The following FRMD4B variants were observed in gnomAD, a reference collection of about 807,000 sequenced individuals.
The protein encoded by FRMD4B is FERM domain-containing protein 4B.
In FRMD4B, 74 loss-of-function variants were observed where a neutral mutation model predicts 141.5. The ratio of observed to expected loss-of-function variants is 0.52; its 90% CI spans 0.43 to 0.63. The LOEUF is 0.63. Among genes scored for constraint, FRMD4B ranks in the 30% least tolerant of loss-of-function variants. The probability of loss-of-function intolerance (pLI) is 0.00; values close to 1 mark genes in which losing one functional copy is unlikely to be tolerated. For synonymous variants in FRMD4B, 506 were observed against 467.9 expected, an observed-to-expected ratio of 1.08 and a Z score of -1.05; for missense variants, 1,366 against 1,253.4, an observed-to-expected ratio of 1.09 and a Z score of -1.36.
upstream of FRMD4B, among the ~76,000 whole-genome samples, chr3:69,386,456 A>C (rs1163670642): frequency 1.3e-5 from 2 of 150,018 alleles, no homozygotes; most frequent in Non-Finnish European, 3.0e-5. Flanking sequence ...ACAGACACAC[A>C]CCCCCCACAC....
At chr3:69,462,370 T>C (rs1705721040) in intron 1 of FRMD4B, among the ~76,000 whole-genome samples, 1 of 152,208 alleles carries the variant, frequency 6.6e-6, no homozygotes, top group Non-Finnish European at 1.5e-5. Context: ...ATGTCTGGCC[T>C]GTCCCATAGC....
intron 1 of FRMD4B, among the ~76,000 whole-genome samples, chr3:69,481,593 G>A (rs900409690): frequency 2.0e-5 from 3 of 152,136 alleles, no homozygotes; most frequent in African/African-American, 7.2e-5. Flanking sequence ...GTACTCAGGG[G>A]CTCAAATGCA....
intron 1 of FRMD4B, among the ~76,000 whole-genome samples, chr3:69,507,313 T>C (rs1243508489): frequency 6.6e-6 from 1 of 152,158 alleles, no homozygotes; most frequent in Non-Finnish European, 1.5e-5. Flanking sequence ...AAACAACTAT[T>C]GATTTCAAGT....
chr3:69,452,372 G>C (rs1705516459), intron 1 of FRMD4B, among the ~76,000 whole-genome samples: 2 of 152,208 alleles, frequency 1.3e-5, no homozygotes, highest in South Asian at 4.1e-4. Flanking sequence ...TTTGGAGCTG[G>C]TCAAAAGCGA....
intron 1 of FRMD4B, among the ~76,000 whole-genome samples, chr3:69,314,133 C>T (rs1381363740): frequency 1.7e-5 from 1 of 57,782 alleles, no homozygotes; most frequent in Non-Finnish European, 2.7e-5. Context: ...AGCGAGACTC[C>T]GTCTCAAAAA....
At chr3:69,238,909 G>A (rs1019281512) in intron 7 of FRMD4B, among the ~76,000 whole-genome samples, 4 of 152,152 alleles carry the variant, frequency 2.6e-5, no homozygotes, top group African/African-American at 9.7e-5. Context: ...CTATTGAGAA[G>A]AATCCTAAAG....
chr3:69,382,823 A>C (rs1704148958), intron 1 of FRMD4B, among the ~76,000 whole-genome samples: 1 of 149,678 alleles, frequency 6.7e-6, no homozygotes, highest in South Asian at 2.1e-4. Flanking sequence ...ATTATCTGCT[A>C]TTGTGAGGGA....
intron 4 of FRMD4B, among the ~76,000 whole-genome samples, chr3:69,292,759 G>A (rs1408427279): frequency 6.7e-6 from 1 of 149,680 alleles, no homozygotes; most frequent in African/African-American, 2.5e-5. Context: ...AAAATCTAGG[G>A]CTTCTTAATG....
chr3:69,193,897 T>C lies in FRMD4B; in HGVS notation c.1489-24A>G, dbSNP rs774775663. 1.0e-4 allele frequency: 142 copies of C among 1,412,360 alleles called. No individual in the cohort carries two copies. The South Asian group carries it at 1.6e-3, about 16-fold the overall frequency. 87.5% of individuals were successfully genotyped at this position (1,412,360 alleles called of 1,614,324 possible). On this transcript the variant is annotated intron_variant, in intron 16 of 22. Transcript: ENST00000398540. Reference sequence around the variant, plus strand: ...TCCTGCATTTATACAATGATAGTTTTATTTTTATGGACACATACAATCAAC... The same window carrying C: ...TCCTGCATTTATACAATGATAGTTTCATTTTTATGGACACATACAATCAAC...
At chr3:69,262,416 A>C (rs2093533280) in intron 5 of FRMD4B, among the ~76,000 whole-genome samples, 1 of 150,452 alleles carries the variant, frequency 6.6e-6, no homozygotes, top group Non-Finnish European at 1.5e-5. Flanking sequence ...TCTTCAAAGC[A>C]GTGCTATTTG....
chr3:69,350,809 C>T (rs190442491), intron 1 of FRMD4B, among the ~76,000 whole-genome samples: 2,115 of 128,028 alleles, frequency 0.017, 10 homozygotes, highest in Admixed American at 0.02. Flanking sequence ...GAACAGCACA[C>T]GCTGGGGCCT....
At chr3:69,312,365 C>T (rs774902646) in intron 2 of FRMD4B, among the ~76,000 whole-genome samples, 1 of 152,156 alleles carries the variant, frequency 6.6e-6, no homozygotes, top group Non-Finnish European at 1.5e-5. Flanking sequence ...AACAGGCAGA[C>T]ATCTAGACTA....
At chr3:69,183,765 A>C (rs2092735448) in intron 19 of FRMD4B, among the ~76,000 whole-genome samples, 1 of 151,490 alleles carries the variant, frequency 6.6e-6, no homozygotes, top group Admixed American at 6.6e-5. Context: ...TACAGGCGTG[A>C]GCCACCGCGC....
chr3:69,264,955 TA>T (rs771128473), intron 5 of FRMD4B, among the ~76,000 whole-genome samples: 85 of 151,996 alleles, frequency 5.6e-4, no homozygotes, highest in Non-Finnish European at 1.0e-3. Context: ...GGGAGGATAA[TA>T]CAAATATACA....
intron 22 of FRMD4B, among the ~76,000 whole-genome samples, chr3:69,175,769 C>CTTTTTTTTTTT (rs141059202): frequency 2.3e-5 from 2 of 88,114 alleles, no homozygotes; most frequent in African/African-American, 7.5e-5. Context: ...CTTTTCTTCT[C>CTTTTTTTTTTT]TTTTTTTTTT....
intron 7 of FRMD4B, among the ~76,000 whole-genome samples, chr3:69,235,192 T>C (rs891429177): frequency 8.3e-5 from 12 of 144,742 alleles, no homozygotes; most frequent in Non-Finnish European, 1.5e-4. Context: ...ATAATAATAA[T>C]AATAATATTT....
intron 1 of FRMD4B, among the ~76,000 whole-genome samples, chr3:69,356,958 C>A (rs988299147): frequency 6.6e-6 from 1 of 152,116 alleles, no homozygotes; most frequent in Non-Finnish European, 1.5e-5. Flanking sequence ...TTAAACAAAA[C>A]TTTATTTGCA....
rs138975992 is a variant in FRMD4B at position 69,470,643 on chromosome 3, G to C, written c.-128-37882C>G. The stretch of plus-strand genomic sequence containing the variant: ...AATGGCCATAGGTAAATTAGTCCTA[G>C]AGTTGCAACAAGTTATCTCTGCAGC... On this transcript the variant is annotated intron_variant, in intron 1 of 5. Transcript: ENST00000459638. Among the ~76,000 whole-genome samples, 34 of 152,260 alleles carry C rather than the reference G, an allele frequency of 2.2e-4. No individual in the cohort carries two copies. In the East Asian group the frequency reaches 4.5e-3, roughly 20 times the overall value.
At chr3:69,187,552 A>C (rs4593035) in intron 19 of FRMD4B, among the ~76,000 whole-genome samples, 3 of 143,614 alleles carry the variant, frequency 2.1e-5, no homozygotes, top group African/African-American at 7.7e-5. Context: ...AAAAAAAAAA[A>C]ATATATATAT....
Sources: gnomAD v4.1 joint callset for allele counts (sites outside exome capture counted in the v4.1 genomes callset) on GRCh38, gnomAD v4.1.1 for gene constraint, MANE v1.5 for transcripts, NCBI Gene and HGNC (gene_info 2026-07-23, HGNC 2026-07-21) for gene names.